PCNX1: variants seen among roughly 807,000 people sequenced by gnomAD.
PCNX1 encodes the protein pecanex 1.
In PCNX1, 78 loss-of-function variants were observed where a neutral mutation model predicts 242.2. The ratio of observed to expected loss-of-function variants is 0.32; its 90% CI spans 0.27 to 0.39. PCNX1 has a LOEUF of 0.39. PCNX1 is among the 10% of genes least tolerant of loss of function. PCNX1 has a pLI of 1.00. For synonymous variants in PCNX1, 1,024 were observed against 1,032.9 expected, an observed-to-expected ratio of 0.99 and a Z score of 0.17; for missense variants, 2,581 against 2,856.5, an observed-to-expected ratio of 0.90 and a Z score of 2.20.
At chr14:70,921,814 G>A (rs1244791455) in intron 1 of PCNX1, among the ~76,000 whole-genome samples, 1 of 152,040 alleles carries the variant, frequency 6.6e-6, no homozygotes, top group East Asian at 1.9e-4. Flanking sequence ...TACATACTCT[G>A]TCTCTCTTAC....
chr14:70,947,015 T>C lies in PCNX1; in HGVS notation c.254T>C (p.Leu85Pro), dbSNP rs991049062. The C allele has an allele frequency of 6.2e-7, 1 of 1,613,818 alleles. No homozygotes were observed. Among genetic ancestry groups the C allele is most frequent in the Non-Finnish European group, 8.5e-7 (1 of 1,179,902 alleles). Residue 85 changes from leucine (L) to proline (P), a missense_variant, in exon 2 of 36, where the codon CTT becomes CCT. Transcript: ENST00000304743. ...KMVNYRLHRA[L>P]DAGEVVDRTA... is the part of the protein sequence containing the mutation. ...GTCAACTATCGACTACACAGAGCAC[T>C]TGATGCTGGAGAAGTTGTAGATAGG...
Position 71,109,180 on chromosome 14 carries a change from G to A in PCNX1, c.6744+134G>A, listed in dbSNP as rs796801278. The A allele has an allele frequency of 1.2e-5, 11 of 930,566 alleles. No homozygotes were observed. The African/African-American group carries it at 1.5e-4, about 13-fold the overall frequency. 57.6% of individuals were successfully genotyped at this position (930,566 alleles called of 1,614,324 possible). A position where few individuals can be genotyped will look rare whatever the true frequency, so the allele number is the denominator to read the frequency against. On this transcript the variant is annotated intron_variant, in intron 34 of 35. Transcript: ENST00000304743. ...GGACTAGAATATTTTTGAATGTTGG[G>A]GAAAAATTTCTTCAAACTTAAAAAC...
At chr14:70,995,459 A>G (rs1487877155) in intron 7 of PCNX1, among the ~76,000 whole-genome samples, 1 of 152,136 alleles carries the variant, frequency 6.6e-6, no homozygotes, top group Non-Finnish European at 1.5e-5. Flanking sequence ...TTTTCCTCAC[A>G]CTAGAATTTA....
chr14:71,068,714 T>C (rs1454654791), intron 26 of PCNX1, among the ~76,000 whole-genome samples: 2 of 139,990 alleles, frequency 1.4e-5, no homozygotes, highest in Non-Finnish European at 3.0e-5. Context: ...CATATATGTA[T>C]GTATATATAA....
chr14:70,949,040 A>G (rs947985242), intron 2 of PCNX1, among the ~76,000 whole-genome samples: 6 of 146,788 alleles, frequency 4.1e-5, no homozygotes, highest in Non-Finnish European at 7.5e-5. Context: ...GTATATATAC[A>G]CATGTATATA....
chr14:71,106,499 A>G (rs997709117), intron 33 of PCNX1, among the ~76,000 whole-genome samples: 11 of 151,962 alleles, frequency 7.2e-5, no homozygotes, highest in Admixed American at 2.0e-4. Flanking sequence ...GCCAAAGCCT[A>G]TGAGAATAAG....
rs1031865076 is a variant in PCNX1, at chr14:71,002,447, C to T, written c.2629+6522C>T. Among the ~76,000 whole-genome samples, 11 of 152,118 alleles carry T rather than the reference C, an allele frequency of 7.2e-5. No individual in the cohort carries two copies. In the South Asian group the frequency reaches 8.3e-4, roughly 11 times the overall value. Reference sequence around the variant, plus strand: ...AGGAGTTTTAACAGATGTGTATACCCGTCAGATACCTTAATCAAGATGCGA... The same window carrying T: ...AGGAGTTTTAACAGATGTGTATACCTGTCAGATACCTTAATCAAGATGCGA... On this transcript the variant is annotated intron_variant, in intron 8 of 35. Coordinates refer to ENST00000304743, the MANE Select transcript of PCNX1 (RefSeq NM_014982.3).
chr14:70,923,501 C>T (rs1426636784), intron 1 of PCNX1, among the ~76,000 whole-genome samples: 1 of 152,034 alleles, frequency 6.6e-6, no homozygotes, highest in Non-Finnish European at 1.5e-5. Context: ...TGAAAGGTTG[C>T]CGTTTTCTAC....
At chr14:70,931,890 A>G (rs1379365329) in intron 1 of PCNX1, among the ~76,000 whole-genome samples, 1 of 152,148 alleles carries the variant, frequency 6.6e-6, no homozygotes, top group Non-Finnish European at 1.5e-5. Context: ...TTGGGAGGCC[A>G]AGGCGGGCGG....
intron 6 of PCNX1, among the ~76,000 whole-genome samples, chr14:70,979,811 G>A (rs1240622971): frequency 6.6e-6 from 1 of 151,994 alleles, no homozygotes; most frequent in African/African-American, 2.4e-5. Flanking sequence ...AATTTCTAAT[G>A]GGAACGTAAA....
chr14:71,028,908 G>T, intron 16 of PCNX1, 117 bp downstream of exon 16: 3 of 557,222 alleles, frequency 5.4e-6, no homozygotes, highest in Non-Finnish European at 9.4e-6. Context: ...TAATTTTCAT[G>T]GTCTTCATAT....
At chr14:70,927,425 T>C (rs1249329101) in intron 1 of PCNX1, among the ~76,000 whole-genome samples, 1 of 152,190 alleles carries the variant, frequency 6.6e-6, no homozygotes, top group Non-Finnish European at 1.5e-5. Context: ...AAATGGATTA[T>C]ACAGCATGCA....
chr14:71,042,468 T>C (rs1039375464), intron 19 of PCNX1, among the ~76,000 whole-genome samples: 6 of 152,162 alleles, frequency 3.9e-5, no homozygotes, highest in African/African-American at 1.4e-4. Context: ...TTATTTTGTC[T>C]GATACAAGTA....
At chr14:71,000,153 T>G (rs1025154523) in intron 8 of PCNX1, among the ~76,000 whole-genome samples, 8 of 152,146 alleles carry the variant, frequency 5.3e-5, no homozygotes, top group Non-Finnish European at 1.0e-4. Context: ...ATGTTTATTT[T>G]TATCAAAACA....
chr14:70,911,919 A>G (rs777553110), intron 1 of PCNX1, among the ~76,000 whole-genome samples: 1 of 152,136 alleles, frequency 6.6e-6, no homozygotes, highest in Non-Finnish European at 1.5e-5. Flanking sequence ...TTTCCTCTGT[A>G]AAGCAATATA....
intron 26 of PCNX1, among the ~76,000 whole-genome samples, chr14:71,060,971 T>C (rs2061311978): frequency 6.6e-6 from 1 of 152,184 alleles, no homozygotes; most frequent in South Asian, 2.1e-4. Context: ...TGGTGAGTGG[T>C]GAGTCTGTAA....
chr14:70,970,059 A>G (rs2058495801), intron 5 of PCNX1: 1 of 151,878 alleles, frequency 6.6e-6, no homozygotes, highest in African/African-American at 2.4e-5. Flanking sequence ...AACTTTTTTA[A>G]AACAATTAAA....
intron 33 of PCNX1, 43 bp from the exon 34 acceptor site, chr14:71,108,561 G>C (rs1000449468): frequency 6.8e-7 from 1 of 1,464,940 alleles, no homozygotes; most frequent in Admixed American, 1.9e-5. Flanking sequence ...TATTGTGTCT[G>C]AGTCATTCTA....
chr14:71,022,334 A>G (rs1191505458), intron 12 of PCNX1, among the ~76,000 whole-genome samples: 1 of 152,182 alleles, frequency 6.6e-6, no homozygotes, highest in East Asian at 1.9e-4. Context: ...TAAATATGGA[A>G]AAGGTAAAAG....
Sources: gnomAD v4.1 joint callset for allele counts (sites outside exome capture counted in the v4.1 genomes callset) on GRCh38, gnomAD v4.1.1 for gene constraint, MANE v1.5 for transcripts, NCBI Gene and HGNC (gene_info 2026-07-23, HGNC 2026-07-21) for gene names.